The following SV2B variants were observed in gnomAD, a reference collection of about 807,000 sequenced individuals.
SV2B encodes synaptic vesicle glycoprotein 2B.
Under a neutral mutation model 73.9 loss-of-function variants are expected in SV2B, and 41 were observed. That is an observed-to-expected ratio of 0.56 (90% CI 0.43 to 0.72). SV2B has a LOEUF of 0.72. Among genes scored for constraint, SV2B ranks in the 30% least tolerant of loss-of-function variants. SV2B has a pLI of 0.00. For missense variants in SV2B, 764 were observed against 857.8 expected, an observed-to-expected ratio of 0.89 and a Z score of 1.37; for synonymous variants, 314 against 314.2, an observed-to-expected ratio of 1.00 and a Z score of 0.01.
intron 1 of SV2B, among the ~76,000 whole-genome samples, chr15:91,158,724 C>CTCTCCTCT (rs1555473901): frequency 1.8e-5 from 1 of 56,642 alleles, no homozygotes; most frequent in Non-Finnish European, 3.7e-5. Context: ...CTCTCCTCTC[C>CTCTCCTCT]TCTCTTCTCC....
intron 2 of SV2B, 58 bp from the exon 3 acceptor site, chr15:91,251,761 A>G: frequency 1.3e-6 from 2 of 1,509,004 alleles, no homozygotes; most frequent in Middle Eastern, 1.8e-4. Context: ...TAAACATTGT[A>G]TAGTCTTAAT....
intron 6 of SV2B, 25 bp downstream of exon 6, chr15:91,260,434 A>G: frequency 6.4e-7 from 1 of 1,566,378 alleles, no homozygotes; most frequent in Non-Finnish European, 8.7e-7. Flanking sequence ...GCCTGCCAAT[A>G]AGAAGGGGGT....
chr15:91,190,233 A>G (rs2044955751), intron 1 of SV2B, among the ~76,000 whole-genome samples: 1 of 152,044 alleles, frequency 6.6e-6, no homozygotes, highest in African/African-American at 2.4e-5. Context: ...TTCATCTTTT[A>G]TCTATCTACC....
At chr15:91,145,154 A>G (rs751026772) in intron 1 of SV2B, among the ~76,000 whole-genome samples, 50 of 151,966 alleles carry the variant, frequency 3.3e-4, no homozygotes, top group South Asian at 6.2e-4. Flanking sequence ...CCATCCTCCA[A>G]TAGACTCCAG....
In SV2B at chr15:91,293,939, C is replaced by G. The variant is rs1178010314; in HGVS notation, c.*1387C>G. On this transcript the variant is annotated 3_prime_UTR_variant, in exon 13 of 13. Transcript: ENST00000394232. ...GGGGAGGAGCTTAGGACAAACCTCTCTGATGAAGGTCAGCAATAGACTGAA... is the reference window on the plus strand; with the variant it reads ...GGGGAGGAGCTTAGGACAAACCTCTGTGATGAAGGTCAGCAATAGACTGAA... The G allele has an allele frequency of 6.6e-6, 1 of 152,282 alleles. No homozygotes were observed. The highest frequency in any genetic ancestry group is 6.5e-5 in the Admixed American group (1 of 15,278). 9.4% of individuals were successfully genotyped at this position (152,282 alleles called of 1,614,324 possible).
At position 91,204,015 on chromosome 15, in the gene SV2B, C is replaced by T. The variant is rs142874217; in HGVS notation, c.-391-21858C>T. 5.3e-5 allele frequency among the ~76,000 whole-genome samples: 8 copies of T among 152,260 alleles called. No homozygotes were observed. The East Asian group carries it at 7.7e-4, about 15-fold the overall frequency. ...TCAAACTTGTTCAGTTCTGATCAGT[C>T]GAAATAATTGAGCCCTGGTTGGGTG... On this transcript the variant is annotated intron_variant, in intron 1 of 12. Coordinates refer to ENST00000394232, the MANE Select transcript of SV2B (RefSeq NM_001323032.3).
intron 1 of SV2B, among the ~76,000 whole-genome samples, chr15:91,180,514 G>A (rs143770404): frequency 0.18 from 27,931 of 151,992 alleles, 2,944 homozygotes; most frequent in Non-Finnish European, 0.24. Flanking sequence ...CATTCTCCCC[G>A]TCACTTTCAG....
chr15:91,127,339 G>A (rs533680339), intron 1 of SV2B, among the ~76,000 whole-genome samples: 96 of 152,124 alleles, frequency 6.3e-4, no homozygotes, highest in Non-Finnish European at 1.0e-3. Context: ...TCTAATTAAC[G>A]GGCAGAGGCC....
In SV2B at chr15:91,128,062, A is replaced by G. The variant is rs2042537184; in HGVS notation, c.-392+27699A>G. Among the ~76,000 whole-genome samples the G allele has an allele frequency of 1.3e-5, 2 of 152,208 alleles. No individual in the cohort carries two copies. The highest frequency in any genetic ancestry group is 4.8e-5 in the African/African-American group (2 of 41,450). On this transcript the variant is annotated intron_variant, in intron 1 of 12. Transcript: ENST00000394232. This position sits in a 1 kb window ranked among gnomAD's most constrained non-coding sequence, Gnocchi z 4.2. ...AGAAAAAGAGAAAAATATACCTGTGAAAGCTCTTATTATCATTGTCACGTT... is the reference window on the plus strand; with the variant it reads ...AGAAAAAGAGAAAAATATACCTGTGGAAGCTCTTATTATCATTGTCACGTT...
rs531967172 is a variant in SV2B at position 91,266,975 on chromosome 15, T to A, written c.1119+283T>A. 85 of 276,722 alleles carry A rather than the reference T, an allele frequency of 3.1e-4. 2 individuals carry two copies. The South Asian group carries it at 9.9e-3, about 32-fold the overall frequency. 17.1% of individuals were successfully genotyped at this position (276,722 alleles called of 1,614,324 possible). On this transcript the variant is annotated intron_variant, in intron 7 of 12. Coordinates refer to ENST00000394232, the MANE Select transcript of SV2B (RefSeq NM_001323032.3). Reference sequence around the variant, plus strand: ...TAAAATGTCTAGTCTGAGTAAACATTATTCTCTCTAGCAAATTTTAAAATA... The same window carrying A: ...TAAAATGTCTAGTCTGAGTAAACATAATTCTCTCTAGCAAATTTTAAAATA...
chr15:91,190,746 T>C (rs1033747351), intron 1 of SV2B, among the ~76,000 whole-genome samples: 14 of 152,226 alleles, frequency 9.2e-5, no homozygotes, highest in Non-Finnish European at 1.6e-4. Context: ...AATACACCTA[T>C]GCACACAAAC....
In SV2B at chr15:91,223,535, G is replaced by T. The variant is rs2046282140; in HGVS notation, c.-391-2338G>T. 6.6e-6 allele frequency among the ~76,000 whole-genome samples: 1 copy of T among 152,166 alleles called. No homozygotes were observed. Among genetic ancestry groups the T allele is most frequent in the Admixed American group, 6.5e-5 (1 of 15,278 alleles). On this transcript the variant is annotated intron_variant, in intron 1 of 12. Coordinates refer to ENST00000394232, the MANE Select transcript of SV2B (RefSeq NM_001323032.3). This position sits in a 1 kb window ranked among gnomAD's most constrained non-coding sequence, Gnocchi z 4.6. ...CCCACAAGTGCTTTTGGAATTGCAA[G>T]TCTATCATTTCTGGTTCACGACGTT...
intron 2 of SV2B, among the ~76,000 whole-genome samples, chr15:91,230,817 C>T (rs2046546219): frequency 6.6e-6 from 1 of 152,156 alleles, no homozygotes; most frequent in Admixed American, 6.5e-5. Context: ...ATAGAGGTCA[C>T]ACAGAGATGT....
rs1179754183 is a variant in SV2B, at chr15:91,121,811, G to A, written c.-392+21448G>A. ...TTTTTTTGAGATGGAGTCTCGCTCTGTCACCCAGGCTGGAGTGCAGTGGCG... is the reference window on the plus strand; with the variant it reads ...TTTTTTTGAGATGGAGTCTCGCTCTATCACCCAGGCTGGAGTGCAGTGGCG... On this transcript the variant is annotated intron_variant, in intron 1 of 12. Transcript: ENST00000394232. The surrounding 1 kb of genome is among the most constrained non-coding windows in gnomAD (Gnocchi z 4.4). 7.0e-6 allele frequency among the ~76,000 whole-genome samples: 1 copy of A among 142,668 alleles called. No homozygotes were observed. Among genetic ancestry groups the A allele is most frequent in the East Asian group, 2.0e-4 (1 of 4,970 alleles). 93.6% of individuals were successfully genotyped at this position (142,668 alleles called of 152,430 possible). A position where few individuals can be genotyped will look rare whatever the true frequency, so the allele number is the denominator to read the frequency against.
intron 1 of SV2B, among the ~76,000 whole-genome samples, chr15:91,155,570 G>C (rs2043459524): frequency 6.6e-6 from 1 of 152,128 alleles, no homozygotes; most frequent in South Asian, 2.1e-4. Context: ...CATGGATCAG[G>C]GCATGTGGCC....
At chr15:91,177,969 C>T (rs1177291638) in intron 1 of SV2B, among the ~76,000 whole-genome samples, 1 of 148,880 alleles carries the variant, frequency 6.7e-6, no homozygotes, top group African/African-American at 2.5e-5. Context: ...CTGTCTTGTG[C>T]CAGTTTTCAA....
chr15:91,199,409 G>C (rs2045381860), intron 1 of SV2B, among the ~76,000 whole-genome samples: 1 of 152,164 alleles, frequency 6.6e-6, no homozygotes, highest in Non-Finnish European at 1.5e-5. Context: ...GGTGATAATG[G>C]GGGGACAGGT....
At chr15:91,204,284 A>G (rs546182809) in intron 1 of SV2B, among the ~76,000 whole-genome samples, 16 of 152,306 alleles carry the variant, frequency 1.1e-4, no homozygotes, top group Non-Finnish European at 2.1e-4. Flanking sequence ...TTACAAATCC[A>G]AATTAATTAA....
At position 91,110,815 on chromosome 15, in the gene SV2B, T is replaced by A. The variant is rs1381627929; in HGVS notation, c.-392+10452T>A. Among the ~76,000 whole-genome samples the A allele has an allele frequency of 6.6e-6, 1 of 152,076 alleles. No homozygotes were observed. The highest frequency in any genetic ancestry group is 1.9e-4 in the East Asian group (1 of 5,188). The stretch of plus-strand genomic sequence containing the variant: ...CATCCCACACATGCCAGTGTAAGGG[T>A]CTGTGAATTAAATGCAGCCACTTTA... On this transcript the variant is annotated intron_variant, in intron 1 of 12. Coordinates refer to ENST00000394232, the MANE Select transcript of SV2B (RefSeq NM_001323032.3). This position sits in a 1 kb window ranked among gnomAD's most constrained non-coding sequence, Gnocchi z 5.4.
Sources: allele counts gnomAD v4.1 joint callset (sites outside exome capture counted in the v4.1 genomes callset), GRCh38; gene constraint gnomAD v4.1.1; non-coding constraint Gnocchi (gnomAD v3.1); transcripts MANE v1.5; gene names NCBI Gene and HGNC (gene_info 2026-07-23, HGNC 2026-07-21).